Variants in ABCA12 observed in about 807,000 individuals in gnomAD.
ABCA12 encodes ATP binding cassette subfamily A member 12, also known as glucosylceramide transporter ABCA12.
A neutral mutation model predicts 293.5 loss-of-function variants in ABCA12; 156 were observed. The observed-to-expected ratio is 0.53, with a 90% CI of 0.47 to 0.61. The LOEUF is 0.61. Among genes scored for constraint, ABCA12 ranks in the 20% least tolerant of loss-of-function variants. The probability of loss-of-function intolerance (pLI) is 0.00; values close to 1 mark genes in which losing one functional copy is unlikely to be tolerated. For synonymous variants in ABCA12, 1,063 were observed against 1,108.0 expected (o/e 0.96, Z 0.81); for missense variants, 2,797 against 3,090.2 (o/e 0.91, Z 2.25).
intron 2 of ABCA12, among the ~76,000 whole-genome samples, chr2:215,109,381 C>T (rs1339161048): frequency 6.6e-6 from 1 of 152,264 alleles, no homozygotes; most frequent in East Asian, 1.9e-4. Flanking sequence ...TTGCAGGTTT[C>T]TCATTTGTAA....
intron 39 of ABCA12, chr2:214,961,758 C>T (rs1480482773): frequency 6.6e-6 from 1 of 152,120 alleles, no homozygotes; most frequent in African/African-American, 2.4e-5. Flanking sequence ...TATTGATGCT[C>T]TAGATCTAAT....
At chr2:214,945,178 A>G in intron 48 of ABCA12, 74 bp from the exon 49 acceptor site, 7 of 1,168,578 alleles carry the variant, frequency 6.0e-6, no homozygotes, top group Non-Finnish European at 8.7e-6. Flanking sequence ...GAATTACTGC[A>G]TTTCACTTCC....
Position 215,036,938 on chromosome 2 carries a change from A to T in ABCA12, c.985+15T>A. On this transcript the variant is annotated intron_variant, in intron 8 of 52. Coordinates refer to ENST00000272895, the MANE Select transcript of ABCA12 (RefSeq NM_173076.3). ...GTGACACTGAATTTAACACAGTAAG[A>T]TGGAAATATAATACCTTGAGCTGGG... is the stretch of plus-strand genomic sequence containing the variant. The T allele has an allele frequency of 3.1e-6, 5 of 1,602,718 alleles. No individual in the cohort carries two copies. Among genetic ancestry groups the T allele is most frequent in the Non-Finnish European group, 4.3e-6 (5 of 1,169,752 alleles).
intron 18 of ABCA12, among the ~76,000 whole-genome samples, chr2:215,008,983 C>A (rs1700313241): frequency 6.6e-6 from 1 of 152,042 alleles, no homozygotes; most frequent in Non-Finnish European, 1.5e-5. Flanking sequence ...AGTATATATC[C>A]AAGGGAATAT....
chr2:215,127,736 T>A (rs182361554), intron 1 of ABCA12, among the ~76,000 whole-genome samples: 6 of 152,324 alleles, frequency 3.9e-5, no homozygotes, highest in Non-Finnish European at 1.5e-5. Flanking sequence ...TGAGTTGTTA[T>A]CCATTCTGTG....
chr2:214,943,282 T>C (rs912816917), intron 49 of ABCA12, among the ~76,000 whole-genome samples: 5 of 152,010 alleles, frequency 3.3e-5, no homozygotes, highest in South Asian at 2.1e-4. Context: ...GGACGACAGA[T>C]GTGCACGACA....
intron 10 of ABCA12, among the ~76,000 whole-genome samples, chr2:215,026,551 T>C (rs1368830372): frequency 6.6e-6 from 1 of 152,212 alleles, no homozygotes; most frequent in African/African-American, 2.4e-5. Flanking sequence ...TTTGTCCCAG[T>C]GGCCATTATC....
At chr2:215,073,976 C>G (rs1443969926) in intron 2 of ABCA12, among the ~76,000 whole-genome samples, 1 of 152,166 alleles carries the variant, frequency 6.6e-6, no homozygotes, top group African/African-American at 2.4e-5. Context: ...ATTAAAGACT[C>G]TGAAAAGTTT....
intron 28 of ABCA12, among the ~76,000 whole-genome samples, chr2:214,984,371 CA>C (rs376202098): frequency 4.4e-4 from 67 of 152,318 alleles, no homozygotes; most frequent in African/African-American, 1.6e-3. Flanking sequence ...GCTGGGATTA[CA>C]GGCATGAGCC....
chr2:215,089,096 G>A lies in ABCA12; in HGVS notation c.163+22501C>T, dbSNP rs576908230. ...AAAATTGTGGTCAGAACATTCTCCT[G>A]GAGATAATATGGGATCTAGGAAACA... On this transcript the variant is annotated intron_variant, in intron 2 of 52. Transcript: ENST00000272895. 3.9e-4 allele frequency among the ~76,000 whole-genome samples: 59 copies of A among 151,938 alleles called. 1 individual carries two copies. The highest frequency in any genetic ancestry group is 1.0e-4 in the Non-Finnish European group (7 of 67,982).
At chr2:214,959,817 G>A (rs1374486762) in intron 39 of ABCA12, among the ~76,000 whole-genome samples, 1 of 152,068 alleles carries the variant, frequency 6.6e-6, no homozygotes, top group African/African-American at 2.4e-5. Flanking sequence ...CCTTCCTTAG[G>A]GGACCTTGGT....
chr2:214,966,529 T>A (rs553400207), intron 39 of ABCA12, among the ~76,000 whole-genome samples: 2 of 152,350 alleles, frequency 1.3e-5, no homozygotes, highest in South Asian at 4.1e-4. Context: ...TTAAAAATTG[T>A]TTAGCCTATA....
At chr2:215,134,314 GTATATATGTATATATGTACA>G (rs539229176) in intron 1 of ABCA12, among the ~76,000 whole-genome samples, 3 of 144,814 alleles carry the variant, frequency 2.1e-5, no homozygotes, top group Non-Finnish European at 4.5e-5. Context: ...ACGTATATGT[GTATATATGTATATATGTACA>G]TATATATGTA....
intron 2 of ABCA12, 77 bp from the exon 3 acceptor site, chr2:215,064,296 T>A: frequency 2.1e-6 from 3 of 1,449,412 alleles, no homozygotes; most frequent in Non-Finnish European, 1.9e-6. Flanking sequence ...TAACTCCACT[T>A]TGTGAAGTTA....
chr2:215,086,023 T>A (rs917602441), intron 2 of ABCA12, among the ~76,000 whole-genome samples: 1 of 152,186 alleles, frequency 6.6e-6, no homozygotes, highest in African/African-American at 2.4e-5. Context: ...ATGGGAAGTA[T>A]TTTAAGCCAT....
In ABCA12 at chr2:215,046,519, G is replaced by GTA. The variant is rs59157531; in HGVS notation, c.694-506_694-505dup. 9.6e-4 allele frequency among the ~76,000 whole-genome samples: 141 copies of GTA among 146,804 alleles called. 1 individual carries two copies. The highest frequency in any genetic ancestry group is 1.5e-3 in the African/African-American group (60 of 40,354). On this transcript the variant is annotated intron_variant, in intron 6 of 52. Transcript: ENST00000272895. ...AATATATATAAGAGCGTGTGTGTGT[G>GTA]TATATATATATATACATAATTCAGG... is the stretch of plus-strand genomic sequence containing the variant.
chr2:214,958,346 G>C lies in ABCA12; in HGVS notation c.6048C>G (p.Ala2016=). Residue 2016 remains alanine, a synonymous_variant, in exon 41 of 53, where the codon GCC becomes GCG. Transcript: ENST00000272895. ...TGCCTGAAATGTGCTGCAACTGTTT[G>C]GCTTTGGTTTGATGTTCCCTTACAA... ...TYVVREHQTK[A]KQLQHISGIG... is the part of the protein sequence containing the mutation. The C allele has an allele frequency of 6.2e-7, 1 of 1,614,006 alleles. No homozygotes were observed. Among genetic ancestry groups the C allele is most frequent in the African/African-American group, 1.3e-5 (1 of 75,042 alleles).
intron 22 of ABCA12, chr2:214,999,661 C>T (rs1700101282): frequency 3.5e-6 from 1 of 286,040 alleles, no homozygotes; most frequent in South Asian, 1.4e-4. Context: ...ACTTCATTGA[C>T]CCCATAGATC....
intron 23 of ABCA12, 152 bp downstream of exon 23, chr2:214,997,543 A>G (rs1377475187): frequency 1.7e-6 from 1 of 604,756 alleles, no homozygotes; most frequent in Admixed American, 3.3e-5. Flanking sequence ...TTGCCTTATC[A>G]GCTGCTTTTG....
Sources: gnomAD v4.1 joint callset for allele counts (sites outside exome capture counted in the v4.1 genomes callset) on GRCh38, gnomAD v4.1.1 for gene constraint, MANE v1.5 for transcripts, NCBI Gene and HGNC (gene_info 2026-07-23, HGNC 2026-07-21) for gene names.